DCAF1: variants seen among roughly 807,000 people sequenced by gnomAD.
DCAF1 encodes the protein DDB1- and CUL4-associated factor 1.
Under a neutral mutation model 128.0 loss-of-function variants are expected in DCAF1, and 15 were observed. The observed-to-expected ratio is 0.12, with a 90% confidence interval of 0.08 to 0.18. The LOEUF is 0.18. Ranked by LOEUF, DCAF1 falls within the 10% of genes least tolerant of loss-of-function variation. The probability of loss-of-function intolerance (pLI) is 1.00; values close to 1 mark genes in which losing one functional copy is unlikely to be tolerated. For synonymous variants in DCAF1, 610 were observed against 603.0 expected (o/e 1.01, Z -0.17); for missense variants, 988 against 1,649.5 (o/e 0.60, Z 6.95).
chr3:51,434,100 T>G (rs1165239217), intron 9 of DCAF1, among the ~76,000 whole-genome samples: 2 of 146,944 alleles, frequency 1.4e-5, no homozygotes, highest in Non-Finnish European at 3.0e-5. Flanking sequence ...AAAAAAAAAT[T>G]TACTATAAGT....
intron 18 of DCAF1, among the ~76,000 whole-genome samples, chr3:51,416,061 C>T (rs1698851573): frequency 6.6e-6 from 1 of 152,156 alleles, no homozygotes; most frequent in South Asian, 2.1e-4. Flanking sequence ...CACCCTCTGA[C>T]CTGGAAGGCT....
At chr3:51,396,169 G>C (rs1390485665), downstream of DCAF1, 9 of 383,704 alleles carry the variant, frequency 2.3e-5, no homozygotes. Context: ...CTCAGGACCC[G>C]GAAGAATCAT....
chr3:51,477,179 T>C (rs1705567978), intron 3 of DCAF1, among the ~76,000 whole-genome samples: 1 of 151,894 alleles, frequency 6.6e-6, no homozygotes, highest in Admixed American at 6.6e-5. Flanking sequence ...TGAATTCAAG[T>C]TACAAAATGA....
chr3:51,455,918 T>A (rs1361517081), intron 6 of DCAF1, among the ~76,000 whole-genome samples: 3 of 150,866 alleles, frequency 2.0e-5, no homozygotes, highest in Non-Finnish European at 3.0e-5. Context: ...AAAAAAAAGA[T>A]CCGGGGGAGG....
In DCAF1 at chr3:51,413,809, C is replaced by T. The variant is rs137998310; in HGVS notation, c.3931+141G>A. ...TTCATATCTTTTGTCACCATTCATA[C>T]TATCAATTTTTTATCTTTTATGTTA... On this transcript the variant is annotated intron_variant, in intron 20 of 24. Coordinates refer to ENST00000684031, the MANE Select transcript of DCAF1 (RefSeq NM_001387579.1). 1.4e-5 allele frequency: 16 copies of T among 1,111,248 alleles called. No individual in the cohort carries two copies. The Admixed American group carries it at 2.0e-4, about 14-fold the overall frequency. 68.8% of individuals were successfully genotyped at this position (1,111,248 alleles called of 1,614,324 possible). A position where few individuals can be genotyped will look rare whatever the true frequency, so the allele number is the denominator to read the frequency against.
At chr3:51,428,115 A>G (rs376397473) in intron 12 of DCAF1, among the ~76,000 whole-genome samples, 38 of 152,318 alleles carry the variant, frequency 2.5e-4, no homozygotes, top group African/African-American at 8.7e-4. Flanking sequence ...AAAGATAACA[A>G]AAGTTTCCTT....
At chr3:51,407,840 G>A (rs9827665) in intron 23 of DCAF1, among the ~76,000 whole-genome samples, 146,258 of 152,042 alleles carry the variant, frequency 0.96, 70,625 homozygotes, top group Non-Finnish European at 1. Context: ...ATACAGAATT[G>A]GCCGGTTGTG....
At chr3:51,462,485 C>T (rs1469601846) in intron 6 of DCAF1, among the ~76,000 whole-genome samples, 1 of 151,968 alleles carries the variant, frequency 6.6e-6, no homozygotes, top group Non-Finnish European at 1.5e-5. Flanking sequence ...ATGGCTCACG[C>T]CTGTAATGCC....
At chr3:51,412,544 A>T in intron 22 of DCAF1, 64 bp from the exon 23 acceptor site, 1 of 1,605,728 alleles carries the variant, frequency 6.2e-7, no homozygotes, top group Non-Finnish European at 8.5e-7. Context: ...TCCACGCCTC[A>T]GCCCTGACTG....
In DCAF1 at chr3:51,494,708, A is replaced by G. The variant is rs565881412; in HGVS notation, c.-9+2026T>C. Among the ~76,000 whole-genome samples the G allele has an allele frequency of 2.0e-5, 3 of 152,166 alleles. No individual in the cohort carries two copies. The South Asian group carries it at 6.2e-4, about 32-fold the overall frequency. On this transcript the variant is annotated intron_variant, in intron 2 of 24. Coordinates refer to ENST00000684031, the MANE Select transcript of DCAF1 (RefSeq NM_001387579.1). ...GGGCATTAAAACACTAAAATTTTAT[A>G]TTTTTAAAATTTTTTAATTTTTATT...
chr3:51,474,383 G>A (rs1553649670), intron 3 of DCAF1, among the ~76,000 whole-genome samples: 1 of 152,106 alleles, frequency 6.6e-6, no homozygotes, highest in African/African-American at 2.4e-5. Flanking sequence ...TCGTGCCATT[G>A]CACTCCAGCC....
intron 1 of DCAF1, among the ~76,000 whole-genome samples, chr3:51,499,157 A>C (rs952295275): frequency 6.6e-6 from 1 of 152,250 alleles, no homozygotes; most frequent in Non-Finnish European, 1.5e-5. Context: ...AAACCGTCTA[A>C]GAAGTGAAGT....
intron 23 of DCAF1, among the ~76,000 whole-genome samples, chr3:51,410,877 G>T (rs1369477049): frequency 6.6e-6 from 1 of 152,260 alleles, no homozygotes; most frequent in African/African-American, 2.4e-5. Context: ...GACAAAGCTG[G>T]CTGGGCGTGG....
At chr3:51,412,938 A>G in intron 22 of DCAF1, 55 bp downstream of exon 22, 4 of 1,602,000 alleles carry the variant, frequency 2.5e-6, no homozygotes. Context: ...GTACAACTTG[A>G]AAATTATCCT....
At chr3:51,408,699 CA>C (rs1303319536) in intron 23 of DCAF1, among the ~76,000 whole-genome samples, 1 of 152,170 alleles carries the variant, frequency 6.6e-6, no homozygotes, top group African/African-American at 2.4e-5. Context: ...ATTAAGGTTA[CA>C]AAAGAGACCT....
At chr3:51,404,569 G>C (rs781905132) in intron 23 of DCAF1, among the ~76,000 whole-genome samples, 1 of 152,188 alleles carries the variant, frequency 6.6e-6, no homozygotes, top group Non-Finnish European at 1.5e-5. Context: ...GCTCCGCTTT[G>C]TGGACTTCTG....
intron 6 of DCAF1, among the ~76,000 whole-genome samples, chr3:51,455,348 G>A (rs1553642575): frequency 6.6e-6 from 1 of 152,186 alleles, no homozygotes; most frequent in Non-Finnish European, 1.5e-5. Context: ...TCTCATGTCT[G>A]TAATCCCAGC....
intron 13 of DCAF1, among the ~76,000 whole-genome samples, chr3:51,423,493 C>G (rs1378837337): frequency 9.4e-5 from 14 of 149,498 alleles, no homozygotes; most frequent in Non-Finnish European, 1.9e-4. Flanking sequence ...CAGAGAGAGA[C>G]TCTGTCTCCA....
chr3:51,479,581 G>A (rs1553652020), intron 3 of DCAF1, among the ~76,000 whole-genome samples: 25 of 152,062 alleles, frequency 1.6e-4, no homozygotes. Flanking sequence ...GAGGGCAGGA[G>A]ATCGAGACCA....
Sources: allele counts gnomAD v4.1 joint callset (sites outside exome capture counted in the v4.1 genomes callset), GRCh38; gene constraint gnomAD v4.1.1; transcripts MANE v1.5; gene names NCBI Gene and HGNC (gene_info 2026-07-23, HGNC 2026-07-21).